The following AASS variants were observed in gnomAD, a reference collection of about 807,000 sequenced individuals.
The protein encoded by AASS is aminoadipate-semialdehyde synthase.
Under a neutral mutation model 105.4 loss-of-function variants are expected in AASS, and 86 were observed. The ratio of observed to expected loss-of-function variants is 0.82; its 90% CI spans 0.69 to 0.98. The LOEUF (loss-of-function observed/expected upper bound fraction) is 0.98. Ranked by LOEUF, AASS falls within the 50% of genes least tolerant of loss-of-function variation. AASS has a pLI of 0.00. For missense variants in AASS, 1,048 were observed against 1,143.2 expected, an observed-to-expected ratio of 0.92 and a Z score of 1.20; for synonymous variants, 381 against 394.8, an observed-to-expected ratio of 0.96 and a Z score of 0.41.
intron 1 of AASS, among the ~76,000 whole-genome samples, chr7:122,141,996 A>C (rs1796421589): frequency 6.6e-6 from 1 of 152,212 alleles, no homozygotes. Context: ...CAAAATACCA[A>C]AAACACAATC....
rs201997703 is a variant in AASS at position 122,115,171 on chromosome 7, T to A, written c.946A>T (p.Thr316Ser). The change falls in exon 9 of 24, where the codon ACT becomes TCT. Residue 316 changes from threonine to serine, a missense_variant. Coordinates refer to ENST00000417368, the MANE Select transcript of AASS (RefSeq NM_005763.4). ...LINGIYWEQN[T>S]PRLLTRQDAQ... ...TCTTGGCGGGTTAGGAGGCGAGGAG[T>A]GTTTTGTTCCCAGTAGATTCCATTA... The A allele has an allele frequency of 6.2e-7, 1 of 1,613,798 alleles. No homozygotes were observed. Among genetic ancestry groups the A allele is most frequent in the Non-Finnish European group, 8.5e-7 (1 of 1,179,952 alleles).
intron 2 of AASS, among the ~76,000 whole-genome samples, chr7:122,131,911 C>T (rs1474296611): frequency 6.6e-6 from 1 of 152,036 alleles, no homozygotes; most frequent in African/African-American, 2.4e-5. Flanking sequence ...TGGAAGGACT[C>T]ACACTAACCA....
In AASS at chr7:122,077,861, A is replaced by G; in HGVS notation, c.2639T>C (p.Met880Thr). The change falls in exon 23 of 24, where the codon ATG becomes ACG. Residue 880 changes from methionine to threonine, a missense_variant. Transcript: ENST00000417368. ...ACCATCAAGCAACATTTTGGCTGCC[A>G]TGGCGGTGGGTAACCCCACGGTTTT... ...MAKTVGLPTA[M>T]AAKMLLDGEI... 1 of 1,614,204 alleles carries G rather than the reference A, an allele frequency of 6.2e-7. No homozygotes were observed. The highest frequency in any genetic ancestry group is 1.1e-5 in the South Asian group (1 of 91,080).
At chr7:122,093,628 G>A (rs1353471545) in intron 15 of AASS, among the ~76,000 whole-genome samples, 1 of 151,996 alleles carries the variant, frequency 6.6e-6, no homozygotes, top group Non-Finnish European at 1.5e-5. Flanking sequence ...TGGACAAGAT[G>A]GTGAAACATC....
At chr7:122,116,108 A>G (rs1477461248) in intron 8 of AASS, among the ~76,000 whole-genome samples, 1 of 152,208 alleles carries the variant, frequency 6.6e-6, no homozygotes, top group Non-Finnish European at 1.5e-5. Flanking sequence ...TTTATTTCTT[A>G]TAAGATGTGT....
Position 122,078,950 on chromosome 7 carries a change from C to A in AASS, c.2397G>T (p.Trp799Cys), listed in dbSNP as rs1477474490. The A allele has an allele frequency of 1.2e-6, 2 of 1,614,124 alleles. No homozygotes were observed. The highest frequency in any genetic ancestry group is 1.7e-6 in the Non-Finnish European group (2 of 1,180,014). Reference protein sequence around the residue: ...GDNTQLEAAEWLGLLGDEQVP... With the variant: ...GDNTQLEAAECLGLLGDEQVP... ...CTTGTTCATCCCCAAGTAAGCCCAA[C>A]CTGAAAAGCACAGGAGATGGCTGCA... The change falls in exon 22 of 24, where the codon TGG (tryptophan) becomes TGT (cysteine). Residue 799 changes from tryptophan to cysteine, a missense_variant and splice_region_variant. Trp to Cys is a radical substitution (Grantham distance 215, BLOSUM62 -2). Coordinates refer to ENST00000417368, the MANE Select transcript of AASS (RefSeq NM_005763.4).
At chr7:122,134,184 T>C (rs1796040186) in intron 1 of AASS, among the ~76,000 whole-genome samples, 1 of 152,184 alleles carries the variant, frequency 6.6e-6, no homozygotes, top group Admixed American at 6.5e-5. Flanking sequence ...AGTGCCAACC[T>C]CTTTCCAGTT....
chr7:122,116,997 A>G (rs1335786488), intron 6 of AASS, 40 bp from the exon 7 acceptor site: 1 of 1,544,296 alleles, frequency 6.5e-7, no homozygotes, highest in Non-Finnish European at 8.9e-7. Flanking sequence ...AAATCAATAG[A>G]AAAAGAACCA....
chr7:122,117,833 T>A (rs1795255080), intron 6 of AASS, among the ~76,000 whole-genome samples: 1 of 151,890 alleles, frequency 6.6e-6, no homozygotes, highest in African/African-American at 2.4e-5. Context: ...TTTTTGTATT[T>A]TTGGTATAGG....
chr7:122,118,696 C>G, intron 4 of AASS, 66 bp from the exon 5 acceptor site: 3 of 1,506,188 alleles, frequency 2.0e-6, no homozygotes, highest in Middle Eastern at 2.3e-4. Context: ...TCTCTCTGCT[C>G]GTTCTCCAAT....
chr7:122,088,447 G>A (rs1421261963), intron 18 of AASS, among the ~76,000 whole-genome samples: 2 of 151,990 alleles, frequency 1.3e-5, no homozygotes, highest in Non-Finnish European at 2.9e-5. Context: ...TCACCCAAAG[G>A]CAAATCTGAA....
At chr7:122,082,973 T>C in intron 19 of AASS, 3 of 831,902 alleles carry the variant, frequency 3.6e-6, no homozygotes, top group Admixed American at 2.3e-5. Flanking sequence ...TATTCCCCAG[T>C]GTGCAAATGG....
chr7:122,140,456 A>T (rs1304187693), intron 1 of AASS, among the ~76,000 whole-genome samples: 5 of 135,022 alleles, frequency 3.7e-5, no homozygotes, highest in African/African-American at 1.4e-4. Flanking sequence ...ACTGCACTCC[A>T]GCCTGGGCGA....
In AASS at chr7:122,130,940, G is replaced by A. The variant is rs139306129; in HGVS notation, c.211-1403C>T. On this transcript the variant is annotated intron_variant, in intron 2 of 23. Coordinates refer to ENST00000417368, the MANE Select transcript of AASS (RefSeq NM_005763.4). ...GATATGTTGTTACTAAAGAAAGAAA[G>A]CAAGGTTAAAAGAGTGTATATAGTA... Among the ~76,000 whole-genome samples the A allele has an allele frequency of 1.2e-4, 18 of 150,674 alleles. No individual in the cohort carries two copies. In the East Asian group the frequency reaches 3.1e-3, roughly 26 times the overall value.
intron 2 of AASS, among the ~76,000 whole-genome samples, chr7:122,132,255 G>A (rs1795949582): frequency 6.6e-6 from 1 of 152,120 alleles, no homozygotes; most frequent in Admixed American, 6.5e-5. Context: ...ACAGTTCAAT[G>A]CACTGTAATA....
intron 8 of AASS, among the ~76,000 whole-genome samples, chr7:122,115,841 G>A (rs968713079): frequency 2.0e-5 from 3 of 152,092 alleles, no homozygotes; most frequent in Non-Finnish European, 4.4e-5. Context: ...TTGAAACTAT[G>A]TTCATAATTT....
chr7:122,087,777 T>C (rs1793696751), intron 18 of AASS, among the ~76,000 whole-genome samples: 1 of 152,222 alleles, frequency 6.6e-6, no homozygotes, highest in Non-Finnish European at 1.5e-5. Context: ...TCTTAAGTTT[T>C]GTTTGCTTGT....
rs551962356 is a variant in AASS, at chr7:122,076,705, T to C, written c.2663-98A>G. 5.9e-5 allele frequency: 55 copies of C among 939,258 alleles called. No individual in the cohort carries two copies. In the African/African-American group the frequency reaches 6.0e-4, roughly 10 times the overall value. 58.2% of individuals were successfully genotyped at this position (939,258 alleles called of 1,614,324 possible). A position where few individuals can be genotyped will look rare whatever the true frequency, so the allele number is the denominator to read the frequency against. ...CACAAAGAAGCAAACTCAGAGTCAA[T>C]GAATTCTTGGAGGCCTAGGCATTTT... On this transcript the variant is annotated intron_variant, in intron 23 of 23. Transcript: ENST00000417368.
intron 11 of AASS, among the ~76,000 whole-genome samples, chr7:122,106,867 T>G (rs1164333480): frequency 1.3e-5 from 2 of 151,838 alleles, no homozygotes. Flanking sequence ...GATTTCATGA[T>G]GAAGACACCA....
Sources: allele counts gnomAD v4.1 joint callset (sites outside exome capture counted in the v4.1 genomes callset), GRCh38; gene constraint gnomAD v4.1.1; transcripts MANE v1.5; gene names NCBI Gene and HGNC (gene_info 2026-07-23, HGNC 2026-07-21).